Variants in CBFA2T3 observed in about 807,000 individuals in gnomAD.
CBFA2T3 encodes the protein transcriptional corepressor CBFA2T3.
A neutral mutation model predicts 58.6 loss-of-function variants in CBFA2T3; 31 were observed. That is an observed-to-expected ratio of 0.53 (90% CI 0.40 to 0.71). The LOEUF is 0.71. CBFA2T3 is among the 30% of genes least tolerant of loss of function. The pLI is 0.00. For synonymous variants in CBFA2T3, 531 were observed against 421.9 expected (o/e 1.26, Z -3.17); for missense variants, 1,076 against 963.1 (o/e 1.12, Z -1.55).
At chr16:88,975,089 T>G (rs988148658) in intron 1 of CBFA2T3, among the ~76,000 whole-genome samples, 2 of 71,956 alleles carry the variant, frequency 2.8e-5, no homozygotes, top group African/African-American at 4.0e-5. Flanking sequence ...GTGGGCACAG[T>G]GGCTGGGTAC....
rs1422127845 is a variant in CBFA2T3 at position 88,874,923 on chromosome 16, C to G, written c.*2053G>C. The G allele has an allele frequency of 4.3e-6, 1 of 232,866 alleles. No individual in the cohort carries two copies. Among genetic ancestry groups the G allele is most frequent in the Non-Finnish European group, 8.5e-6 (1 of 117,576 alleles). 14.4% of individuals were successfully genotyped at this position (232,866 alleles called of 1,614,324 possible). ...ACCATCATGAATATCATTTGGACCT[C>G]TGCAAAGACTATATACATTCACATT... On this transcript the variant is annotated 3_prime_UTR_variant, in exon 12 of 12. Coordinates refer to ENST00000268679, the MANE Select transcript of CBFA2T3 (RefSeq NM_005187.6).
intron 2 of CBFA2T3, among the ~76,000 whole-genome samples, chr16:88,900,472 C>T (rs752531023): frequency 1.3e-5 from 2 of 152,244 alleles, no homozygotes; most frequent in East Asian, 1.9e-4. Context: ...TATAGCCACC[C>T]GGTGCTCTGA....
In CBFA2T3 at chr16:88,897,227, G is replaced by A. The variant is rs552507726; in HGVS notation, c.379+851C>T. 3.5e-4 allele frequency among the ~76,000 whole-genome samples: 54 copies of A among 152,368 alleles called. No homozygotes were observed. In the Middle Eastern group the frequency reaches 0.014, roughly 38 times the overall value. On this transcript the variant is annotated intron_variant, in intron 3 of 11. Coordinates refer to ENST00000268679, the MANE Select transcript of CBFA2T3 (RefSeq NM_005187.6). Reference sequence around the variant, plus strand: ...ACTGTCCAGGAGCTGCACGCCAGGCGCGAGTGCGTGGCCAGGCCCATCACA... The same window carrying A: ...ACTGTCCAGGAGCTGCACGCCAGGCACGAGTGCGTGGCCAGGCCCATCACA...
chr16:88,912,179 G>A (rs374306254), intron 1 of CBFA2T3, among the ~76,000 whole-genome samples: 69 of 152,370 alleles, frequency 4.5e-4, no homozygotes, highest in African/African-American at 1.4e-3. Context: ...GGCTCCAGGC[G>A]GACCTGGCCT....
Position 88,905,339 on chromosome 16 carries a change from A to C in CBFA2T3, c.152-3683T>G, listed in dbSNP as rs541486193. Among the ~76,000 whole-genome samples the C allele has an allele frequency of 6.3e-3, 957 of 151,490 alleles. 6 individuals are homozygous for C. The highest frequency in any genetic ancestry group is 0.022 in the African/African-American group (901 of 41,248). Reference sequence around the variant, plus strand: ...GGCTCAGGGCCATGCACGACCCCCCACCGCCCCTCGTTCCCTCTGGGATTC... The same window carrying C: ...GGCTCAGGGCCATGCACGACCCCCCCCCGCCCCTCGTTCCCTCTGGGATTC... On this transcript the variant is annotated intron_variant, in intron 1 of 11. Transcript: ENST00000268679.
Position 88,953,653 on chromosome 16 carries a change from G to A in CBFA2T3, c.151+23004C>T, listed in dbSNP as rs1191602063. Among the ~76,000 whole-genome samples, 1 of 152,196 alleles carries A rather than the reference G, an allele frequency of 6.6e-6. No homozygotes were observed. Among genetic ancestry groups the A allele is most frequent in the Non-Finnish European group, 1.5e-5 (1 of 68,032 alleles). On this transcript the variant is annotated intron_variant, in intron 1 of 11. Transcript: ENST00000268679. The surrounding 1 kb of genome is among the most constrained non-coding windows in gnomAD (Gnocchi z 4.9). Reference sequence around the variant, plus strand: ...GACGAGGTGAGGTGTCTGCTCCCAGGCTGTGTGTGGCTTGGATGCCAAAGC... The same window carrying A: ...GACGAGGTGAGGTGTCTGCTCCCAGACTGTGTGTGGCTTGGATGCCAAAGC...
rs181623235 is a variant in CBFA2T3 at position 88,902,701 on chromosome 16, A to G, written c.152-1045T>C. On this transcript the variant is annotated intron_variant, in intron 1 of 11. Coordinates refer to ENST00000268679, the MANE Select transcript of CBFA2T3 (RefSeq NM_005187.6). ...CCCCAGGGCCTCCCCATTTATCTTAAGGCAAGGTCAGCCAGTGCCAAAGCA... is the reference window on the plus strand; with the variant it reads ...CCCCAGGGCCTCCCCATTTATCTTAGGGCAAGGTCAGCCAGTGCCAAAGCA... 3.7e-3 allele frequency among the ~76,000 whole-genome samples: 567 copies of G among 152,316 alleles called. 1 individual carries two copies. Among genetic ancestry groups the G allele is most frequent in the African/African-American group, 0.013 (542 of 41,558 alleles).
At chr16:88,910,616 G>A (rs1187622721) in intron 1 of CBFA2T3, among the ~76,000 whole-genome samples, 1 of 152,248 alleles carries the variant, frequency 6.6e-6, no homozygotes, top group African/African-American at 2.4e-5. Context: ...AGCTGCGGAT[G>A]GCGTGAGCAG....
chr16:88,920,704 C>T (rs897832645), intron 1 of CBFA2T3, among the ~76,000 whole-genome samples: 9 of 152,184 alleles, frequency 5.9e-5, no homozygotes, highest in Non-Finnish European at 1.2e-4. Context: ...TGGACAAGGG[C>T]GGCCTCTGCC....
chr16:88,932,082 C>T (rs1175310301), intron 1 of CBFA2T3, among the ~76,000 whole-genome samples: 2 of 152,180 alleles, frequency 1.3e-5, no homozygotes, highest in African/African-American at 4.8e-5. Flanking sequence ...TGCACCTGCA[C>T]GTGCGCCCCT....
intron 1 of CBFA2T3, among the ~76,000 whole-genome samples, chr16:88,905,930 G>T (rs990188768): frequency 2.0e-5 from 3 of 150,676 alleles, no homozygotes; most frequent in African/African-American, 7.5e-5. Flanking sequence ...GCTGGGCAGG[G>T]AGGCACCGTG....
In CBFA2T3 at chr16:88,875,952, C is replaced by T; in HGVS notation, c.*1024G>A. ...CGCACACGCGGCGGACGCACCAACG[C>T]CTACGCAGAAGAGAACAAAAGTCGC... On this transcript the variant is annotated 3_prime_UTR_variant, in exon 12 of 12. Coordinates refer to ENST00000268679, the MANE Select transcript of CBFA2T3 (RefSeq NM_005187.6). 1 of 233,218 alleles carries T rather than the reference C, an allele frequency of 4.3e-6. No individual in the cohort carries two copies. The highest frequency in any genetic ancestry group is 6.0e-5 in the East Asian group (1 of 16,550). 14.4% of individuals were successfully genotyped at this position (233,218 alleles called of 1,614,324 possible).
At chr16:88,936,139 G>A (rs1971491117) in intron 1 of CBFA2T3, among the ~76,000 whole-genome samples, 1 of 152,174 alleles carries the variant, frequency 6.6e-6, no homozygotes, top group Non-Finnish European at 1.5e-5. Flanking sequence ...ACTCAGGGAG[G>A]TCGGGTACAC....
chr16:88,921,452 G>A (rs909159137), intron 1 of CBFA2T3, among the ~76,000 whole-genome samples: 2 of 152,244 alleles, frequency 1.3e-5, no homozygotes, highest in African/African-American at 4.8e-5. Flanking sequence ...GTGGTGGCAC[G>A]TGGCCAGCCG....
At chr16:88,890,065 G>A (rs1462839848) in intron 5 of CBFA2T3, among the ~76,000 whole-genome samples, 1 of 150,164 alleles carries the variant, frequency 6.7e-6, no homozygotes, top group Admixed American at 6.6e-5. Flanking sequence ...CAAATCCCTG[G>A]ACGATGCCCC....
In CBFA2T3 at chr16:88,882,753, C is replaced by T. The variant is rs1366020848; in HGVS notation, c.1126G>A (p.Gly376Arg). The change falls in exon 8 of 12, where the codon GGG becomes AGG. Residue 376 changes from glycine (G) to arginine (R), a missense_variant. Physicochemically the swap from Gly to Arg is moderately radical, Grantham distance 125. Transcript: ENST00000268679. ...RERHRPLVVP[G>R]SRQEEVIDHK... is the part of the protein sequence containing the mutation. ...TCGATCACTTCTTCCTGCCGGGACCCAGGCACCACTGTGGATGGGGGAGGT... is the reference window on the plus strand; with the variant it reads ...TCGATCACTTCTTCCTGCCGGGACCTAGGCACCACTGTGGATGGGGGAGGT... 2 of 1,577,410 alleles carry T rather than the reference C, an allele frequency of 1.3e-6. No homozygotes were observed. Among genetic ancestry groups the T allele is most frequent in the East Asian group, 2.3e-5 (1 of 43,486 alleles).
At chr16:88,936,606 C>A (rs538323422) in intron 1 of CBFA2T3, among the ~76,000 whole-genome samples, 1 of 152,178 alleles carries the variant, frequency 6.6e-6, no homozygotes, top group African/African-American at 2.4e-5. Flanking sequence ...GCTAAGCGGG[C>A]GGGAAACGCA....
rs999468704 is a variant in CBFA2T3 at position 88,901,077 on chromosome 16, T to C, written c.304+427A>G. On this transcript the variant is annotated intron_variant, in intron 2 of 11. Coordinates refer to ENST00000268679, the MANE Select transcript of CBFA2T3 (RefSeq NM_005187.6). ...GCCTGTACGCAGGTGACCTGCTGTA[T>C]GACCCTGCGGAAGCCCCTGACCCCA... is the stretch of plus-strand genomic sequence containing the variant. Among the ~76,000 whole-genome samples, 6 of 152,378 alleles carry C rather than the reference T, an allele frequency of 3.9e-5. No homozygotes were observed. The Middle Eastern group carries it at 0.01, about 259-fold the overall frequency.
intron 1 of CBFA2T3, among the ~76,000 whole-genome samples, chr16:88,970,436 C>T (rs1261489577): frequency 6.6e-6 from 1 of 152,208 alleles, no homozygotes; most frequent in African/African-American, 2.4e-5. Flanking sequence ...CTGGGAGGGT[C>T]CCTGGCAGAG....
Sources: gnomAD v4.1 joint callset for allele counts (sites outside exome capture counted in the v4.1 genomes callset) on GRCh38, gnomAD v4.1.1 for gene constraint, Gnocchi (gnomAD v3.1) non-coding constraint, MANE v1.5 for transcripts, NCBI Gene and HGNC (gene_info 2026-07-23, HGNC 2026-07-21) for gene names.